MEDAG: variants seen among roughly 807,000 people sequenced by gnomAD.
The protein encoded by MEDAG is mesenteric estrogen-dependent adipogenesis protein.
A neutral mutation model predicts 29.9 loss-of-function variants in MEDAG; 25 were observed. The ratio of observed to expected loss-of-function variants is 0.84; its 90% CI spans 0.61 to 1.17. MEDAG has a LOEUF of 1.17. Among genes scored for constraint, MEDAG ranks in the 50% most tolerant of loss-of-function variants. The pLI is 0.00. For synonymous variants in MEDAG, 158 were observed against 148.2 expected (o/e 1.07, Z -0.48); for missense variants, 398 against 372.9 (o/e 1.07, Z -0.56).
At chr13:30,914,256 A>G (rs1952907121) in intron 1 of MEDAG, among the ~76,000 whole-genome samples, 1 of 152,228 alleles carries the variant, frequency 6.6e-6, no homozygotes, top group Non-Finnish European at 1.5e-5. Context: ...TAACAATTGG[A>G]CCATAACTGG....
rs902328285 is a variant in MEDAG, at chr13:30,921,820, A to G, written c.761A>G (p.Asp254Gly). ...EPLIRRSSFSDRKFSVTSRGS... is the reference protein window; with the variant it reads ...EPLIRRSSFSGRKFSVTSRGS... ...TTAATCCGAAGGAGCAGTTTCTCTG[A>G]CCGAAAGTTCAGTGTAACTTCCAGA... is the stretch of plus-strand genomic sequence containing the variant. Residue 254 changes from aspartate (D) to glycine (G), a missense_variant, in exon 4 of 5, where the codon GAC (aspartate) becomes GGC (glycine). By Grantham distance (94) the Asp-to-Gly change is moderately conservative. Coordinates refer to ENST00000380482, the MANE Select transcript of MEDAG (RefSeq NM_032849.4). 2 of 1,609,360 alleles carry G rather than the reference A, an allele frequency of 1.2e-6. No individual in the cohort carries two copies. Among genetic ancestry groups the G allele is most frequent in the African/African-American group, 2.7e-5 (2 of 74,608 alleles).
intron 1 of MEDAG, among the ~76,000 whole-genome samples, chr13:30,909,748 G>T (rs990755366): frequency 6.6e-6 from 1 of 152,162 alleles, no homozygotes; most frequent in African/African-American, 2.4e-5. Context: ...GACCTCATAA[G>T]TATGTACTGT....
chr13:30,906,689 C>T lies in MEDAG; in HGVS notation c.174C>T (p.Ala58=), dbSNP rs1276558758. ...FQLSGDQLVV[A]RPGEPAAARG... ...TGAGCGGCGACCAGCTCGTGGTGGC[C>T]AGGCCCGGGGAGCCGGCGGCGGCGC... Residue 58 remains alanine (A), a synonymous_variant, in exon 1 of 5, where the codon GCC becomes GCT. Coordinates refer to ENST00000380482, the MANE Select transcript of MEDAG (RefSeq NM_032849.4). 3.0e-5 allele frequency: 46 copies of T among 1,535,374 alleles called. No individual in the cohort carries two copies. In the East Asian group the frequency reaches 1.1e-3, roughly 36 times the overall value.
Position 30,925,199 on chromosome 13 carries a change from T to A in MEDAG, c.*764T>A, listed in dbSNP as rs1297806574. 1 of 152,122 alleles carries A rather than the reference T, an allele frequency of 6.6e-6. No homozygotes were observed. The highest frequency in any genetic ancestry group is 1.5e-5 in the Non-Finnish European group (1 of 68,022). 9.4% of individuals were successfully genotyped at this position (152,122 alleles called of 1,614,324 possible). A position where few individuals can be genotyped will look rare whatever the true frequency, so the allele number is the denominator to read the frequency against. ...AGCGTCCTCCTTATTGAAAACACATTATGTCAGTTGGGAATTTTAAATAAG... is the reference window on the plus strand; with the variant it reads ...AGCGTCCTCCTTATTGAAAACACATAATGTCAGTTGGGAATTTTAAATAAG... On this transcript the variant is annotated 3_prime_UTR_variant, in exon 5 of 5. Coordinates refer to ENST00000380482, the MANE Select transcript of MEDAG (RefSeq NM_032849.4).
At chr13:30,913,835 G>C (rs1333674257) in intron 1 of MEDAG, among the ~76,000 whole-genome samples, 2 of 152,298 alleles carry the variant, frequency 1.3e-5, no homozygotes, top group African/African-American at 2.4e-5. Context: ...GAGGTCAGGA[G>C]TTCGAGACCA....
At position 30,906,435 on chromosome 13, in the gene MEDAG, C is replaced by T. The variant is rs1593500832; in HGVS notation, c.-81C>T. The T allele has an allele frequency of 3.7e-6, 5 of 1,344,588 alleles. No individual in the cohort carries two copies. The highest frequency in any genetic ancestry group is 2.9e-4 in the Middle Eastern group (1 of 3,504). 83.3% of individuals were successfully genotyped at this position (1,344,588 alleles called of 1,614,324 possible). A position where few individuals can be genotyped will look rare whatever the true frequency, so the allele number is the denominator to read the frequency against. On this transcript the variant is annotated 5_prime_UTR_variant, in exon 1 of 5. Transcript: ENST00000380482. ...GCTGACGCAGGCAGGGCGCCCGGCC[C>T]CTCCTGGGGACCATCAGGTGCCGGC... is the stretch of plus-strand genomic sequence containing the variant.
intron 1 of MEDAG, among the ~76,000 whole-genome samples, chr13:30,913,708 A>G (rs1273006536): frequency 6.6e-6 from 1 of 152,184 alleles, no homozygotes; most frequent in African/African-American, 2.4e-5. Flanking sequence ...TAAATATTCA[A>G]TATGTAGAAG....
intron 1 of MEDAG, among the ~76,000 whole-genome samples, chr13:30,913,004 C>G (rs944731577): frequency 6.6e-6 from 1 of 152,198 alleles, no homozygotes; most frequent in Non-Finnish European, 1.5e-5. Context: ...ATTTACTCAT[C>G]ATGAGGGAAA....
intron 1 of MEDAG, among the ~76,000 whole-genome samples, chr13:30,908,038 C>T (rs1952846593): frequency 6.6e-6 from 1 of 152,104 alleles, no homozygotes; most frequent in Admixed American, 6.5e-5. Context: ...AAGAAGATAC[C>T]CATTGTATTT....
At chr13:30,916,472 C>T (rs752691950) in intron 1 of MEDAG, 1 of 152,308 alleles carries the variant, frequency 6.6e-6, no homozygotes, top group African/African-American at 2.4e-5. Context: ...TCAGCTCAGC[C>T]AGCCATTCGC....
intron 1 of MEDAG, among the ~76,000 whole-genome samples, chr13:30,914,784 A>G (rs568243011): frequency 3.3e-5 from 5 of 152,344 alleles, no homozygotes; most frequent in Admixed American, 2.6e-4. Context: ...GATGTCAATC[A>G]ATTTTGTACG....
intron 1 of MEDAG, among the ~76,000 whole-genome samples, chr13:30,912,999 C>T (rs1593505531): frequency 6.6e-6 from 1 of 152,314 alleles, no homozygotes; most frequent in Admixed American, 6.5e-5. Flanking sequence ...ACTGCATTTA[C>T]TCATCATGAG....
chr13:30,909,807 C>T (rs1327668001), intron 1 of MEDAG, among the ~76,000 whole-genome samples: 1 of 152,168 alleles, frequency 6.6e-6, no homozygotes, highest in South Asian at 2.1e-4. Context: ...CTAAGAGCCA[C>T]CGACCTTGAC....
chr13:30,913,763 G>A (rs912077669), intron 1 of MEDAG, among the ~76,000 whole-genome samples: 13 of 152,098 alleles, frequency 8.5e-5, no homozygotes, highest in Admixed American at 3.3e-4. Context: ...ATTAAAGGCC[G>A]GGTGTGATGG....
At chr13:30,909,251 G>A (rs1952859631) in intron 1 of MEDAG, 1 of 152,118 alleles carries the variant, frequency 6.6e-6, no homozygotes, top group South Asian at 2.1e-4. Flanking sequence ...GCAGTTTTGA[G>A]AGTATGCACC....
rs745999526 is a variant in MEDAG, at chr13:30,924,332, A to T, written c.809A>T (p.Asn270Ile). 5 of 1,613,734 alleles carry T rather than the reference A, an allele frequency of 3.1e-6. No homozygotes were observed. Among genetic ancestry groups the T allele is most frequent in the Non-Finnish European group, 4.2e-6 (5 of 1,179,908 alleles). The change falls in exon 5 of 5, where the codon AAC becomes ATC. Residue 270 changes from asparagine (N) to isoleucine (I), a missense_variant. Physicochemically the swap from Asn to Ile is moderately radical, Grantham distance 149. Transcript: ENST00000380482. ...TTAGGTTCAATAGATGATGTTTTTA[A>T]CTGCAATCTGTCACCCAGATCATCT... ...TSRGSIDDVF[N>I]CNLSPRSSLT... is the part of the protein sequence containing the mutation.
At chr13:30,906,933 T>G (rs1952837005) in intron 1 of MEDAG, 140 bp downstream of exon 1, 1 of 848,108 alleles carries the variant, frequency 1.2e-6, no homozygotes, top group Admixed American at 3.9e-5. Flanking sequence ...TTCTAGACTT[T>G]CCTTCTGCTT....
At chr13:30,918,717 G>A (rs1952953695) in intron 2 of MEDAG, among the ~76,000 whole-genome samples, 1 of 152,162 alleles carries the variant, frequency 6.6e-6, no homozygotes, top group African/African-American at 2.4e-5. Context: ...AATGATCTAC[G>A]AATTTCAAAT....
Position 30,906,553 on chromosome 13 carries a change from G to T in MEDAG, c.38G>T (p.Ser13Ile). 6.4e-7 allele frequency: 1 copy of T among 1,565,062 alleles called. No individual in the cohort carries two copies. The highest frequency in any genetic ancestry group is 1.4e-5 in the African/African-American group (1 of 71,544). The change falls in exon 1 of 5, where the codon AGC becomes ATC. Residue 13 changes from serine (S) to isoleucine (I), a missense_variant. Transcript: ENST00000380482. The part of the protein sequence containing the change: ...GAACEPVARP[S>I]LTSISSGELR... Reference sequence around the variant, plus strand: ...GCCTGCGAGCCGGTGGCCAGGCCGAGCCTGACCTCCATCTCGTCTGGGGAG... The same window carrying T: ...GCCTGCGAGCCGGTGGCCAGGCCGATCCTGACCTCCATCTCGTCTGGGGAG...
Sources: allele counts gnomAD v4.1 joint callset (sites outside exome capture counted in the v4.1 genomes callset), GRCh38; gene constraint gnomAD v4.1.1; transcripts MANE v1.5; gene names NCBI Gene and HGNC (gene_info 2026-07-23, HGNC 2026-07-21).